The following PIAS4 variants were observed in gnomAD, a reference collection of about 807,000 sequenced individuals.
PIAS4 encodes protein inhibitor of activated STAT 4.
PIAS4 carries 7 observed loss-of-function variants against 58.0 expected under a neutral mutation model. The observed-to-expected ratio is 0.12, with a 90% CI of 0.07 to 0.23. The LOEUF (loss-of-function observed/expected upper bound fraction) is 0.23, where lower values mean the gene tolerates loss of function less well. Among genes scored for constraint, PIAS4 ranks in the 10% least tolerant of loss-of-function variants. The pLI is 1.00. For missense variants in PIAS4, 550 were observed against 709.5 expected (o/e 0.78, Z 2.55); for synonymous variants, 364 against 312.4 (o/e 1.17, Z -1.74).
chr19:4,036,965 G>GCA (rs370127664), intron 9 of PIAS4, among the ~76,000 whole-genome samples: 2 of 152,112 alleles, frequency 1.3e-5, no homozygotes, highest in African/African-American at 4.8e-5. Context: ...ATGCACACGT[G>GCA]CACACACACG....
chr19:4,013,012 C>G lies in PIAS4; in HGVS notation c.117C>G (p.Val39=). The G allele has an allele frequency of 1.9e-6, 3 of 1,613,650 alleles. No homozygotes were observed. The highest frequency in any genetic ancestry group is 2.5e-6 in the Non-Finnish European group (3 of 1,179,966). The part of the protein sequence containing the change: ...RSKSGLKHEL[V]TRALQLVQFD... ...AGAGTGGACTGAAGCACGAGCTCGTCACCAGGGCCCTCCAGCTGGTGCAGT... is the reference window on the plus strand; with the variant it reads ...AGAGTGGACTGAAGCACGAGCTCGTGACCAGGGCCCTCCAGCTGGTGCAGT... The change falls in exon 2 of 11, where the codon GTC becomes GTG. Residue 39 remains valine, a synonymous_variant. Coordinates refer to ENST00000262971, the MANE Select transcript of PIAS4 (RefSeq NM_015897.4). This position sits in a 1 kb window ranked among gnomAD's most constrained non-coding sequence, Gnocchi z 5.1.
chr19:4,027,318 T>TGG (rs1339963961), intron 3 of PIAS4, among the ~76,000 whole-genome samples: 1 of 152,150 alleles, frequency 6.6e-6, no homozygotes, highest in East Asian at 1.9e-4. Flanking sequence ...TCTCACTGGG[T>TGG]GGGACATCCT....
intron 3 of PIAS4, 33 bp downstream of exon 3, chr19:4,024,153 C>T (rs377098899): frequency 1.3e-6 from 2 of 1,509,948 alleles, no homozygotes; most frequent in Non-Finnish European, 1.8e-6. Context: ...CAGCACCCCA[C>T]CGCCCGCCCA....
At position 4,015,262 on chromosome 19, in the gene PIAS4, G is replaced by C. The variant is rs1161700706; in HGVS notation, c.454+1913G>C. On this transcript the variant is annotated intron_variant, in intron 2 of 10. Transcript: ENST00000262971. ...ACAGGGAGGCTGGGCTTTCCTGGGAGCGGCAGGGCAGGCTTGGTCCAGGGC... is the reference window on the plus strand; with the variant it reads ...ACAGGGAGGCTGGGCTTTCCTGGGACCGGCAGGGCAGGCTTGGTCCAGGGC... 2.6e-5 allele frequency among the ~76,000 whole-genome samples: 4 copies of C among 152,220 alleles called. No individual in the cohort carries two copies. In the South Asian group the frequency reaches 8.3e-4, roughly 31 times the overall value.
intron 3 of PIAS4, 52 bp from the exon 4 acceptor site, chr19:4,028,094 C>T (rs937243256): frequency 1.1e-5 from 18 of 1,580,458 alleles, no homozygotes; most frequent in Non-Finnish European, 1.5e-5. Flanking sequence ...GGGGTCACGC[C>T]CTCCTCACTC....
At chr19:4,021,370 C>G (rs1298726631) in intron 2 of PIAS4, among the ~76,000 whole-genome samples, 1 of 152,106 alleles carries the variant, frequency 6.6e-6, no homozygotes, top group Non-Finnish European at 1.5e-5. Context: ...TGGTCTTGAA[C>G]TCCTGACCTC....
chr19:4,011,172 T>C (rs1252362513), intron 1 of PIAS4, among the ~76,000 whole-genome samples: 3 of 152,088 alleles, frequency 2.0e-5, no homozygotes, highest in Admixed American at 6.5e-5. Context: ...GTCTTTCGAG[T>C]GGAGTTTGAA....
intron 9 of PIAS4, 27 bp downstream of exon 9, chr19:4,033,607 G>A (rs1306220630): frequency 1.9e-6 from 3 of 1,564,576 alleles, no homozygotes; most frequent in Non-Finnish European, 1.7e-6. Context: ...GGGGAGGGCG[G>A]CCGGAGCCGG....
intron 3 of PIAS4, among the ~76,000 whole-genome samples, chr19:4,025,099 G>A (rs899858668): frequency 2.6e-5 from 4 of 152,178 alleles, no homozygotes; most frequent in African/African-American, 4.8e-5. Context: ...TAATGAATAC[G>A]GGGTTTCCCC....
rs111560835 is a variant in PIAS4, at chr19:4,038,373, C to T, written c.*498C>T. 16,083 of 151,898 alleles carry T rather than the reference C, an allele frequency of 0.11. 2,773 individuals carry two copies. The highest frequency in any genetic ancestry group is 0.37 in the African/African-American group (15,085 of 41,200). The allele number at this position is 151,898 out of a possible 1,614,324, so 9.4% of individuals were successfully genotyped here. On this transcript the variant is annotated 3_prime_UTR_variant, in exon 11 of 11. Transcript: ENST00000262971. This position sits in a 1 kb window ranked among gnomAD's most constrained non-coding sequence, Gnocchi z 4.1. ...CTTTTTCTCTGCAAATGCATCCTCGCCCAGAGACCCTCACGCGCCGAGCAG... is the reference window on the plus strand; with the variant it reads ...CTTTTTCTCTGCAAATGCATCCTCGTCCAGAGACCCTCACGCGCCGAGCAG...
In PIAS4 at chr19:4,033,283, G is replaced by A. The variant is rs1457318723; in HGVS notation, c.981+110G>A. 27 of 1,357,466 alleles carry A rather than the reference G, an allele frequency of 2.0e-5. No homozygotes were observed. The Admixed American group carries it at 3.1e-4, about 16-fold the overall frequency. 84.1% of individuals were successfully genotyped at this position (1,357,466 alleles called of 1,614,324 possible). A position where few individuals can be genotyped will look rare whatever the true frequency, so the allele number is the denominator to read the frequency against. ...CTGGGCCGTGAGCCTGCGGGGGCGAGGCTGGTCTTCGTCCCCTCCGTGTTC... is the reference window on the plus strand; with the variant it reads ...CTGGGCCGTGAGCCTGCGGGGGCGAAGCTGGTCTTCGTCCCCTCCGTGTTC... On this transcript the variant is annotated intron_variant, in intron 8 of 10. Transcript: ENST00000262971.
At chr19:4,024,624 A>G (rs1473233624) in intron 3 of PIAS4, among the ~76,000 whole-genome samples, 6 of 152,122 alleles carry the variant, frequency 3.9e-5, no homozygotes, top group African/African-American at 1.2e-4. Context: ...GGCTGCATAC[A>G]TTGAAATCCA....
At chr19:4,036,013 T>TCACA (rs146232483) in intron 9 of PIAS4, among the ~76,000 whole-genome samples, 1 of 6,470 alleles carries the variant, frequency 1.5e-4, no homozygotes, top group African/African-American at 4.4e-4. Flanking sequence ...GTCCACACCT[T>TCACA]CACACATCCA....
intron 1 of PIAS4, among the ~76,000 whole-genome samples, chr19:4,009,549 C>T (rs1159868291): frequency 6.6e-6 from 1 of 152,150 alleles, no homozygotes; most frequent in Non-Finnish European, 1.5e-5. Context: ...CTTTCCTTAA[C>T]CCTCTGGTGG....
intron 1 of PIAS4, among the ~76,000 whole-genome samples, chr19:4,010,749 T>G (rs2039984999): frequency 6.6e-6 from 1 of 152,214 alleles, no homozygotes; most frequent in Non-Finnish European, 1.5e-5. Context: ...ACGATGGGTG[T>G]CCTCATTGTG....
intron 2 of PIAS4, 77 bp from the exon 3 acceptor site, chr19:4,023,959 G>A (rs563958369): frequency 1.5e-5 from 14 of 958,256 alleles, no homozygotes; most frequent in African/African-American, 3.2e-5. Context: ...CTGAAGAGGC[G>A]CAGGCTGGGA....
chr19:4,024,917 T>TACCACGCCCGG (rs921627258), intron 3 of PIAS4, among the ~76,000 whole-genome samples: 3 of 152,072 alleles, frequency 2.0e-5, no homozygotes, highest in African/African-American at 7.2e-5. Flanking sequence ...AGGCGCTCAC[T>TACCACGCCCGG]ACCACGCCCG....
chr19:4,014,402 G>A (rs573430522), intron 2 of PIAS4, among the ~76,000 whole-genome samples: 1 of 152,262 alleles, frequency 6.6e-6, no homozygotes, highest in South Asian at 2.1e-4. Flanking sequence ...CGCAGCCCCA[G>A]CCCCCAGGGC....
chr19:4,023,627 C>T (rs1465004472), intron 2 of PIAS4, among the ~76,000 whole-genome samples: 1 of 152,214 alleles, frequency 6.6e-6, no homozygotes, highest in African/African-American at 2.4e-5. Context: ...GACGTGGCCA[C>T]CCTGCAGGCA....
Sources: gnomAD v4.1 joint callset for allele counts (sites outside exome capture counted in the v4.1 genomes callset) on GRCh38, gnomAD v4.1.1 for gene constraint, Gnocchi (gnomAD v3.1) non-coding constraint, MANE v1.5 for transcripts, NCBI Gene and HGNC (gene_info 2026-07-23, HGNC 2026-07-21) for gene names.